The following DRC1 variants were observed in gnomAD, a reference collection of about 807,000 sequenced individuals.
DRC1 encodes dynein regulatory complex protein 1.
DRC1 carries 74 observed loss-of-function variants against 98.7 expected under a neutral mutation model. The observed-to-expected ratio is 0.75, with a 90% confidence interval of 0.62 to 0.91. The LOEUF (loss-of-function observed/expected upper bound fraction) is 0.91. DRC1 is among the 40% of genes least tolerant of loss of function. The pLI is 0.00. For synonymous variants in DRC1, 336 were observed against 334.1 expected, an observed-to-expected ratio of 1.01 and a Z score of -0.06; for missense variants, 875 against 886.0, an observed-to-expected ratio of 0.99 and a Z score of 0.16.
chr2:26,406,871 G>GCA (rs1270112960), intron 1 of DRC1, among the ~76,000 whole-genome samples: 2 of 126,520 alleles, frequency 1.6e-5, no homozygotes, highest in Non-Finnish European at 3.1e-5. Flanking sequence ...GGGTTGGAAT[G>GCA]CAGTGGTGTG....
chr2:26,423,413 G>A (rs1663200522), intron 3 of DRC1, among the ~76,000 whole-genome samples: 1 of 152,166 alleles, frequency 6.6e-6, no homozygotes, highest in African/African-American at 2.4e-5. Flanking sequence ...TTTGTTTGGA[G>A]GTGCTCTCAT....
intron 5 of DRC1, 76 bp from the exon 6 acceptor site, chr2:26,430,710 C>T: frequency 1.4e-6 from 2 of 1,473,816 alleles, no homozygotes; most frequent in African/African-American, 1.4e-5. Flanking sequence ...CTTATAGTTA[C>T]CTGAAAGTTC....
Position 26,434,096 on chromosome 2 carries a change from G to A in DRC1, c.888+2090G>A, listed in dbSNP as rs572046874. On this transcript the variant is annotated intron_variant, in intron 7 of 16. Transcript: ENST00000288710. Reference sequence around the variant, plus strand: ...TAACATGCAGCTCAACATCAAATTTGCTCTTTGCAACTAATGCATAGCACT... The same window carrying A: ...TAACATGCAGCTCAACATCAAATTTACTCTTTGCAACTAATGCATAGCACT... 2.6e-5 allele frequency among the ~76,000 whole-genome samples: 4 copies of A among 152,282 alleles called. No individual in the cohort carries two copies. The South Asian group carries it at 8.3e-4, about 32-fold the overall frequency.
At chr2:26,442,611 C>T (rs1478950126) in intron 8 of DRC1, among the ~76,000 whole-genome samples, 2 of 152,022 alleles carry the variant, frequency 1.3e-5, no homozygotes, top group Non-Finnish European at 2.9e-5. Context: ...TTTGAATATC[C>T]CCTTTTTGTT....
At chr2:26,451,473 T>A (rs1010653324) in intron 13 of DRC1, among the ~76,000 whole-genome samples, 3 of 152,220 alleles carry the variant, frequency 2.0e-5, no homozygotes, top group African/African-American at 7.2e-5. Context: ...AAAAATGTTT[T>A]TAGTACTGCT....
At chr2:26,430,399 A>G (rs1388040715) in intron 5 of DRC1, 2 of 417,144 alleles carry the variant, frequency 4.8e-6, no homozygotes, top group African/African-American at 4.1e-5. Flanking sequence ...TGTGAGTTTC[A>G]TGCTGCCTTT....
At chr2:26,442,462 A>G (rs901216911) in intron 8 of DRC1, among the ~76,000 whole-genome samples, 3 of 152,070 alleles carry the variant, frequency 2.0e-5, no homozygotes, top group African/African-American at 7.2e-5. Flanking sequence ...TTCTTTCTTA[A>G]TGTATTTGTT....
rs1441662824 is a variant in DRC1 at position 26,402,001 on chromosome 2, G to A, written c.12G>A (p.Pro4=). MNP[P]GSLEALDPNV... ...CAGGGACTCCTGCCATGAATCCGCC[G>A]GGGTCCCTAGAGGCCCTGGACCCGA... Residue 4 remains proline (P), a synonymous_variant, in exon 1 of 17, where the codon CCG becomes CCA. Coordinates refer to ENST00000288710, the MANE Select transcript of DRC1 (RefSeq NM_145038.5). 1.9e-6 allele frequency: 3 copies of A among 1,606,994 alleles called. No individual in the cohort carries two copies. Among genetic ancestry groups the A allele is most frequent in the Non-Finnish European group, 1.7e-6 (2 of 1,177,082 alleles).
rs201930229 is a variant in DRC1 at position 26,454,692 on chromosome 2, C to T, written c.1965C>T (p.Asn655=). The T allele has an allele frequency of 9.9e-5, 159 of 1,614,182 alleles. 2 individuals are homozygous for T. The South Asian group carries it at 1.6e-3, about 16-fold the overall frequency. ...GGGTACAGAAGAATGTGCGTGACAA[C>T]TCCAAGGACTCGGAGTACTGGCAGG... ...PLRVQKNVRD[N]SKDSEYWQAL... is the part of the protein sequence containing the mutation. Residue 655 remains asparagine (N), a synonymous_variant, in exon 15 of 17, where the codon AAC becomes AAT. Coordinates refer to ENST00000288710, the MANE Select transcript of DRC1 (RefSeq NM_145038.5). The surrounding 1 kb of genome is among the most constrained non-coding windows in gnomAD (Gnocchi z 5.2).
At chr2:26,418,534 A>ATTATAAATT in intron 2 of DRC1, among the ~76,000 whole-genome samples, 1 of 111,298 alleles carries the variant, frequency 9.0e-6, no homozygotes, top group African/African-American at 3.9e-5. Flanking sequence ...AATAATATAC[A>ATTATAAATT]ATATATTATA....
At chr2:26,418,690 T>C (rs1201761912) in intron 2 of DRC1, among the ~76,000 whole-genome samples, 1 of 88,986 alleles carries the variant, frequency 1.1e-5, no homozygotes, top group Non-Finnish European at 2.1e-5. Flanking sequence ...ATTTATATTA[T>C]ATATAAATTA....
chr2:26,443,836 A>G (rs1422788262), intron 8 of DRC1, among the ~76,000 whole-genome samples: 29 of 152,202 alleles, frequency 1.9e-4, no homozygotes, highest in Admixed American at 1.9e-3. Flanking sequence ...TCATGATTGA[A>G]TTAAACATCC....
At chr2:26,403,104 T>C (rs1439549426) in intron 1 of DRC1, among the ~76,000 whole-genome samples, 4 of 152,216 alleles carry the variant, frequency 2.6e-5, no homozygotes, top group Non-Finnish European at 5.9e-5. Flanking sequence ...TAGCCTTCTT[T>C]TGATAAAAAA....
intron 1 of DRC1, among the ~76,000 whole-genome samples, chr2:26,412,246 G>T (rs1466614869): frequency 6.6e-6 from 1 of 152,066 alleles, no homozygotes; most frequent in African/African-American, 2.4e-5. Flanking sequence ...AAGAAAGAAT[G>T]AGATAAAGAG....
In DRC1 at chr2:26,456,419, G is replaced by A. The variant is rs371614434; in HGVS notation, c.2167-42G>A. The A allele has an allele frequency of 5.6e-6, 9 of 1,613,178 alleles. No individual in the cohort carries two copies. The African/African-American group carries it at 6.7e-5, about 12-fold the overall frequency. On this transcript the variant is annotated intron_variant, in intron 16 of 16. Transcript: ENST00000288710. ...CTCGCAAGGGTGGCAAAGAAGGAGG[G>A]CCCTGGGAAAAATGTAACGACTTTC...
intron 1 of DRC1, among the ~76,000 whole-genome samples, chr2:26,409,273 T>C (rs1678522496): frequency 6.6e-6 from 1 of 152,220 alleles, no homozygotes; most frequent in Non-Finnish European, 1.5e-5. Flanking sequence ...TTTGTCACAC[T>C]ATTAAAATTT....
rs191230857 is a variant in DRC1, at chr2:26,427,864, A to C, written c.541-1764A>C. ...GTGCCTGGCTTATTTCATTTAACGT[A>C]ATGCCTTTCAATTCCATCCACGTCG... On this transcript the variant is annotated intron_variant, in intron 4 of 16. Coordinates refer to ENST00000288710, the MANE Select transcript of DRC1 (RefSeq NM_145038.5). Among the ~76,000 whole-genome samples, 41 of 152,302 alleles carry C rather than the reference A, an allele frequency of 2.7e-4. No individual in the cohort carries two copies. In the East Asian group the frequency reaches 7.7e-3, roughly 29 times the overall value.
At chr2:26,439,227 C>T (rs1663651090) in intron 7 of DRC1, among the ~76,000 whole-genome samples, 1 of 152,102 alleles carries the variant, frequency 6.6e-6, no homozygotes, top group African/African-American at 2.4e-5. Flanking sequence ...CAGGTGGCAC[C>T]TGCGTAACTC....
chr2:26,409,891 G>A (rs926878732), intron 1 of DRC1, among the ~76,000 whole-genome samples: 2 of 151,980 alleles, frequency 1.3e-5, no homozygotes, highest in African/African-American at 4.8e-5. Context: ...ATGAATGGTA[G>A]ATATGAAAAT....
Sources: allele counts gnomAD v4.1 joint callset (sites outside exome capture counted in the v4.1 genomes callset), GRCh38; gene constraint gnomAD v4.1.1; non-coding constraint Gnocchi (gnomAD v3.1); transcripts MANE v1.5; gene names NCBI Gene and HGNC (gene_info 2026-07-23, HGNC 2026-07-21).